Variants in MYRIP observed in about 807,000 individuals in gnomAD.
MYRIP encodes rab effector MyRIP.
In MYRIP, 49 loss-of-function variants were observed where a neutral mutation model predicts 98.0. The ratio of observed to expected loss-of-function variants is 0.50; its 90% CI spans 0.40 to 0.63. The LOEUF (loss-of-function observed/expected upper bound fraction) is 0.63, where lower values mean the gene tolerates loss of function less well. Among genes scored for constraint, MYRIP ranks in the 30% least tolerant of loss-of-function variants. The probability of loss-of-function intolerance (pLI) is 0.00; values close to 1 mark genes in which losing one functional copy is unlikely to be tolerated. For synonymous variants in MYRIP, 404 were observed against 409.5 expected (o/e 0.99, Z 0.16); for missense variants, 1,004 against 1,058.2 (o/e 0.95, Z 0.71).
At chr3:40,100,829 A>C (rs1024780993) in intron 3 of MYRIP, among the ~76,000 whole-genome samples, 3 of 152,190 alleles carry the variant, frequency 2.0e-5, no homozygotes, top group African/African-American at 7.2e-5. Flanking sequence ...GCATGATACT[A>C]TATCCATCAC....
intron 3 of MYRIP, among the ~76,000 whole-genome samples, chr3:40,071,513 G>A (rs1194374575): frequency 1.3e-5 from 2 of 152,182 alleles, no homozygotes; most frequent in African/African-American, 2.4e-5. Flanking sequence ...CATGTGTGAC[G>A]ATTCAGTAGA....
intron 3 of MYRIP, among the ~76,000 whole-genome samples, chr3:40,117,123 G>A (rs1949298807): frequency 6.6e-6 from 1 of 152,132 alleles, no homozygotes. Context: ...CCCCCGCCCT[G>A]ATATTGTAAA....
intron 2 of MYRIP, among the ~76,000 whole-genome samples, chr3:39,952,749 C>T (rs901818876): frequency 5.9e-5 from 9 of 152,108 alleles, no homozygotes; most frequent in African/African-American, 1.2e-4. Context: ...TATTTATCTA[C>T]GAATGCCTTT....
chr3:40,211,144 T>C (rs1951916892), intron 11 of MYRIP, among the ~76,000 whole-genome samples: 2 of 152,196 alleles, frequency 1.3e-5, no homozygotes, highest in Non-Finnish European at 2.9e-5. Flanking sequence ...GAGCTAAGGC[T>C]GCATCACAAA....
At chr3:39,883,339 C>T (rs772626003) in intron 1 of MYRIP, among the ~76,000 whole-genome samples, 2 of 152,078 alleles carry the variant, frequency 1.3e-5, no homozygotes, top group African/African-American at 2.4e-5. Context: ...TTGCTGGTAC[C>T]GTCAGCACCT....
chr3:40,149,172 C>G (rs1950067346), intron 3 of MYRIP, among the ~76,000 whole-genome samples: 1 of 152,218 alleles, frequency 6.6e-6, no homozygotes, highest in Non-Finnish European at 1.5e-5. Context: ...GTGCCAGCAT[C>G]TGCTTCTGGT....
intron 4 of MYRIP, among the ~76,000 whole-genome samples, chr3:40,158,570 T>G (rs1000273513): frequency 5.9e-5 from 9 of 152,172 alleles, no homozygotes; most frequent in Non-Finnish European, 1.0e-4. Context: ...CCTGTCTCGT[T>G]GATCTGTCTA....
chr3:39,918,574 T>G (rs910482348), intron 2 of MYRIP, among the ~76,000 whole-genome samples: 1 of 152,198 alleles, frequency 6.6e-6, no homozygotes, highest in Non-Finnish European at 1.5e-5. Context: ...CAGGGAAAAC[T>G]TCCCCTTCGC....
chr3:39,930,865 C>G (rs59144290), intron 2 of MYRIP, among the ~76,000 whole-genome samples: 1 of 151,946 alleles, frequency 6.6e-6, no homozygotes, highest in South Asian at 2.1e-4. Context: ...GATTTCATTC[C>G]ATTACATTGA....
chr3:40,132,348 C>A (rs1486083627), intron 3 of MYRIP, among the ~76,000 whole-genome samples: 1 of 152,200 alleles, frequency 6.6e-6, no homozygotes, highest in Non-Finnish European at 1.5e-5. Context: ...AATGTTCTTT[C>A]TTCCCCTTAA....
At chr3:40,209,102 T>C (rs1246360161) in intron 10 of MYRIP, 1 of 152,212 alleles carries the variant, frequency 6.6e-6, no homozygotes, top group Non-Finnish European at 1.5e-5. Flanking sequence ...TAATGTGCTG[T>C]GCTGGTTGGG....
chr3:40,093,933 C>T (rs910123692), intron 3 of MYRIP, among the ~76,000 whole-genome samples: 1 of 151,856 alleles, frequency 6.6e-6, no homozygotes, highest in African/African-American at 2.4e-5. Context: ...CTGTATATTT[C>T]CCCTCACCCC....
At chr3:40,204,797 C>T (rs1951749623) in intron 10 of MYRIP, among the ~76,000 whole-genome samples, 1 of 152,072 alleles carries the variant, frequency 6.6e-6, no homozygotes, top group African/African-American at 2.4e-5. Flanking sequence ...TGGGTCCTTG[C>T]AGGACTCTGC....
intron 3 of MYRIP, among the ~76,000 whole-genome samples, chr3:40,144,827 G>T (rs1435614343): frequency 6.6e-6 from 1 of 152,200 alleles, no homozygotes; most frequent in African/African-American, 2.4e-5. Context: ...ATTGGAGAGA[G>T]AGAGTCTCTA....
At chr3:40,040,695 T>C (rs1183444584) in intron 2 of MYRIP, among the ~76,000 whole-genome samples, 1 of 61,938 alleles carries the variant, frequency 1.6e-5, no homozygotes, top group African/African-American at 5.7e-5. Flanking sequence ...TGGATGAAAT[T>C]GGAAACCATC....
At chr3:39,863,157 C>A (rs535905442) in intron 1 of MYRIP, among the ~76,000 whole-genome samples, 6 of 152,098 alleles carry the variant, frequency 3.9e-5, no homozygotes, top group African/African-American at 1.4e-4. Context: ...ACAGCTAAAG[C>A]TGTGTTAAGA....
chr3:40,058,115 ACTT>A (rs959869200), intron 3 of MYRIP, among the ~76,000 whole-genome samples: 9 of 152,190 alleles, frequency 5.9e-5, no homozygotes, highest in African/African-American at 1.4e-4. Flanking sequence ...AATGTGTAGT[ACTT>A]CTTTTTTAGC....
At chr3:40,016,117 T>C (rs1280219633) in intron 2 of MYRIP, among the ~76,000 whole-genome samples, 1 of 152,052 alleles carries the variant, frequency 6.6e-6, no homozygotes, top group Non-Finnish European at 1.5e-5. Context: ...GGTCCTAGAC[T>C]CCCTTCTTCC....
intron 8 of MYRIP, among the ~76,000 whole-genome samples, chr3:40,179,465 C>T (rs1482172354): frequency 6.6e-6 from 1 of 152,096 alleles, no homozygotes; most frequent in Non-Finnish European, 1.5e-5. Context: ...AAAAAGGACC[C>T]CAGCCACCAC....
Sources: gnomAD v4.1 joint callset for allele counts (sites outside exome capture counted in the v4.1 genomes callset) on GRCh38, gnomAD v4.1.1 for gene constraint, MANE v1.5 for transcripts, NCBI Gene and HGNC (gene_info 2026-07-23, HGNC 2026-07-21) for gene names.